Variants in KCTD8 observed in about 807,000 individuals in gnomAD.
The protein encoded by KCTD8 is BTB/POZ domain-containing protein KCTD8.
In KCTD8, 27 loss-of-function variants were observed where a neutral mutation model predicts 31.5. The observed-to-expected ratio is 0.86, with a 90% CI of 0.63 to 1.18. The LOEUF (loss-of-function observed/expected upper bound fraction) is 1.18. Ranked by LOEUF, KCTD8 falls within the 50% of genes most tolerant of loss-of-function variation. KCTD8 has a pLI of 0.00. For synonymous variants in KCTD8, 290 were observed against 280.0 expected, an observed-to-expected ratio of 1.04 and a Z score of -0.36; for missense variants, 658 against 647.7, an observed-to-expected ratio of 1.02 and a Z score of -0.17.
chr4:44,301,167 CAATA>C (rs1717607499), intron 1 of KCTD8, among the ~76,000 whole-genome samples: 4 of 152,106 alleles, frequency 2.6e-5, no homozygotes, highest in Admixed American at 2.6e-4. Context: ...AATAATGCCG[CAATA>C]AACATATGTG....
intron 1 of KCTD8, among the ~76,000 whole-genome samples, chr4:44,209,911 TA>T (rs1412838571): frequency 3.3e-5 from 5 of 152,018 alleles, no homozygotes; most frequent in Admixed American, 6.6e-5. Context: ...TAGCTAACCA[TA>T]AAAAAAGCTA....
At chr4:44,187,118 A>G (rs1326612305) in intron 1 of KCTD8, among the ~76,000 whole-genome samples, 1 of 152,220 alleles carries the variant, frequency 6.6e-6, no homozygotes, top group Non-Finnish European at 1.5e-5. Flanking sequence ...TCCTTTGGCA[A>G]AGTTCCTACC....
intron 1 of KCTD8, among the ~76,000 whole-genome samples, chr4:44,331,983 G>C (rs771036795): frequency 6.6e-6 from 1 of 151,484 alleles, no homozygotes; most frequent in Non-Finnish European, 1.5e-5. Flanking sequence ...TAAGGCACAA[G>C]TAATAAAAAA....
intron 1 of KCTD8, among the ~76,000 whole-genome samples, chr4:44,229,067 C>T (rs926408877): frequency 1.3e-5 from 2 of 152,034 alleles, no homozygotes; most frequent in East Asian, 1.9e-4. Flanking sequence ...ATTCAATTTC[C>T]GCATTTGCAA....
intron 1 of KCTD8, among the ~76,000 whole-genome samples, chr4:44,333,427 T>G (rs1405881502): frequency 6.6e-6 from 1 of 152,108 alleles, no homozygotes; most frequent in Non-Finnish European, 1.5e-5. Context: ...TACTTCAATA[T>G]TGTGCTTTAC....
chr4:44,226,272 A>G (rs952370734), intron 1 of KCTD8, among the ~76,000 whole-genome samples: 1 of 152,012 alleles, frequency 6.6e-6, no homozygotes, highest in Non-Finnish European at 1.5e-5. Flanking sequence ...ATTCCCACTT[A>G]TAAGTGAGAA....
chr4:44,184,484 T>C (rs1383200610), intron 1 of KCTD8, among the ~76,000 whole-genome samples: 1 of 151,704 alleles, frequency 6.6e-6, no homozygotes, highest in Non-Finnish European at 1.5e-5. Context: ...AGAAACATGG[T>C]CATATTCCTT....
intron 1 of KCTD8, among the ~76,000 whole-genome samples, chr4:44,204,090 A>G (rs1701333348): frequency 6.6e-6 from 1 of 152,094 alleles, no homozygotes. Context: ...ATAAAACAAC[A>G]AAAATAATAT....
rs905145774 is a variant in KCTD8 at position 44,447,845 on chromosome 4, C to T, written c.679G>A (p.Ala227Thr). 1 of 1,587,012 alleles carries T rather than the reference C, an allele frequency of 6.3e-7. No individual in the cohort carries two copies. The highest frequency in any genetic ancestry group is 8.6e-7 in the Non-Finnish European group (1 of 1,164,646). The change falls in exon 1 of 2, where the codon GCC becomes ACC. Residue 227 changes from alanine (A) to threonine (T), a missense_variant. By Grantham distance (58) the Ala-to-Thr change is moderately conservative (BLOSUM62 0). Coordinates refer to ENST00000360029, the MANE Select transcript of KCTD8 (RefSeq NM_198353.3). The part of the protein sequence containing the change: ...YTTVRDNQAD[A>T]KFRRVARIMV... ...ATGCGCGCCACACGCCGGAATTTGG[C>T]GTCGGCCTGGTTGTCGCGCACGGTG...
chr4:44,265,512 C>T (rs1324227366), intron 1 of KCTD8, among the ~76,000 whole-genome samples: 1 of 152,190 alleles, frequency 6.6e-6, no homozygotes, highest in East Asian at 1.9e-4. Context: ...GAATGTAGTT[C>T]CTCACCAGCA....
chr4:44,271,837 G>C (rs1716613670), intron 1 of KCTD8, among the ~76,000 whole-genome samples: 1 of 151,876 alleles, frequency 6.6e-6, no homozygotes, highest in Non-Finnish European at 1.5e-5. Flanking sequence ...TAAGTATGTG[G>C]GTAAATCTCT....
Position 44,270,574 on chromosome 4 carries a change from C to T in KCTD8, c.962-95324G>A, listed in dbSNP as rs546897783. On this transcript the variant is annotated intron_variant, in intron 1 of 1. Coordinates refer to ENST00000360029, the MANE Select transcript of KCTD8 (RefSeq NM_198353.3). ...ATAAAAAAAAGAAGGTGACCTTAGG[C>T]CTTTTCTTAGAAATTTTCATGTATA... Among the ~76,000 whole-genome samples, 190 of 151,584 alleles carry T rather than the reference C, an allele frequency of 1.3e-3. 1 individual carries two copies. Among genetic ancestry groups the T allele is most frequent in the Non-Finnish European group, 2.4e-3 (161 of 67,778 alleles).
chr4:44,305,565 A>G (rs1179644459), intron 1 of KCTD8, among the ~76,000 whole-genome samples: 3 of 151,800 alleles, frequency 2.0e-5, no homozygotes, highest in African/African-American at 7.2e-5. Context: ...TACATAAAAA[A>G]TTGAGAAAGC....
At chr4:44,426,137 T>C (rs1046756413) in intron 1 of KCTD8, among the ~76,000 whole-genome samples, 1 of 151,422 alleles carries the variant, frequency 6.6e-6, no homozygotes, top group Non-Finnish European at 1.5e-5. Context: ...TATGATACAT[T>C]TGTAAGGTAC....
chr4:44,320,472 GTTAT>G (rs1718265985), intron 1 of KCTD8, among the ~76,000 whole-genome samples: 1 of 152,110 alleles, frequency 6.6e-6, no homozygotes, highest in Non-Finnish European at 1.5e-5. Context: ...GAGAATACAT[GTTAT>G]GATTCAGATA....
chr4:44,388,169 C>A (rs61379624), intron 1 of KCTD8, among the ~76,000 whole-genome samples: 7 of 151,738 alleles, frequency 4.6e-5, no homozygotes, highest in African/African-American at 1.7e-4. Flanking sequence ...CCATCTAACA[C>A]GAGTCAGAAT....
At chr4:44,406,084 T>G (rs1720787840) in intron 1 of KCTD8, among the ~76,000 whole-genome samples, 1 of 152,084 alleles carries the variant, frequency 6.6e-6, no homozygotes, top group Non-Finnish European at 1.5e-5. Flanking sequence ...CTTTATAATA[T>G]CCTGGACACC....
intron 1 of KCTD8, among the ~76,000 whole-genome samples, chr4:44,259,235 A>T (rs1716090114): frequency 6.6e-6 from 1 of 151,532 alleles, no homozygotes; most frequent in Non-Finnish European, 1.5e-5. Flanking sequence ...GAGTGGCAAT[A>T]CATGATCTTC....
intron 1 of KCTD8, among the ~76,000 whole-genome samples, chr4:44,368,097 C>T (rs2109434368): frequency 6.6e-6 from 1 of 152,188 alleles, no homozygotes; most frequent in South Asian, 2.1e-4. Flanking sequence ...GCAAATCAGG[C>T]CAGTTGTGGT....
Sources: gnomAD v4.1 joint callset for allele counts (sites outside exome capture counted in the v4.1 genomes callset) on GRCh38, gnomAD v4.1.1 for gene constraint, MANE v1.5 for transcripts, NCBI Gene and HGNC (gene_info 2026-07-23, HGNC 2026-07-21) for gene names.